The following XKR9 variants were observed in gnomAD, a reference collection of about 807,000 sequenced individuals.
XKR9 encodes XK-related protein 9.
In XKR9, 32 loss-of-function variants were observed where a neutral mutation model predicts 32.0. The ratio of observed to expected loss-of-function variants is 1.00; its 90% CI spans 0.76 to 1.34. The LOEUF is 1.34. Ranked by LOEUF, XKR9 falls within the 40% of genes most tolerant of loss-of-function variation. The pLI is 0.00. For missense variants in XKR9, 546 were observed against 429.7 expected (o/e 1.27, Z -2.39); for synonymous variants, 168 against 143.4 (o/e 1.17, Z -1.22).
the XKR9 span, among the ~76,000 whole-genome samples, chr8:71,052,388 A>G: frequency 1.3e-5 from 2 of 152,124 alleles, no homozygotes; most frequent in Admixed American, 6.5e-5. Flanking sequence ...TTAATGATGC[A>G]ACTTGTCTTT....
chr8:71,020,698 G>A, the XKR9 span, among the ~76,000 whole-genome samples: 1 of 152,200 alleles, frequency 6.6e-6, no homozygotes, highest in Non-Finnish European at 1.5e-5. Flanking sequence ...ATTGGAATGT[G>A]TAATGATCCG....
intron 2 of XKR9, among the ~76,000 whole-genome samples, chr8:70,742,865 A>T (rs1412580763): frequency 6.6e-6 from 1 of 152,032 alleles, no homozygotes; most frequent in Non-Finnish European, 1.5e-5. Flanking sequence ...TTGTATGACT[A>T]CTGTGTTCAT....
At chr8:71,019,387 A>C in the XKR9 span, among the ~76,000 whole-genome samples, 1 of 152,234 alleles carries the variant, frequency 6.6e-6, no homozygotes, top group Non-Finnish European at 1.5e-5. Context: ...TCTATTTGAT[A>C]TTAGGAAGAC....
intron 4 of XKR9, among the ~76,000 whole-genome samples, chr8:70,712,472 G>A (rs560712770): frequency 1.3e-5 from 2 of 152,088 alleles, no homozygotes; most frequent in Non-Finnish European, 1.5e-5. Context: ...ACAAAACTCA[G>A]GGTCCTCACA....
intron 3 of XKR9, among the ~76,000 whole-genome samples, chr8:70,706,027 C>T (rs760759016): frequency 2.6e-5 from 4 of 151,980 alleles, no homozygotes; most frequent in Non-Finnish European, 2.9e-5. Context: ...TTGGTCTGAG[C>T]AATATAGTGA....
chr8:70,926,695 G>A, the XKR9 span, among the ~76,000 whole-genome samples: 1 of 152,160 alleles, frequency 6.6e-6, no homozygotes, highest in Non-Finnish European at 1.5e-5. Flanking sequence ...ACTATCTGAA[G>A]ATATATTTTC....
the XKR9 span, among the ~76,000 whole-genome samples, chr8:71,041,422 G>T: frequency 6.6e-6 from 1 of 152,148 alleles, no homozygotes; most frequent in Non-Finnish European, 1.5e-5. Flanking sequence ...TAAAATATAT[G>T]ATAAATCAGA....
chr8:70,855,955 C>T, the XKR9 span, among the ~76,000 whole-genome samples: 1 of 152,068 alleles, frequency 6.6e-6, no homozygotes, highest in South Asian at 2.1e-4. Flanking sequence ...CCAGGCCTGC[C>T]CTAAAAGAGC....
chr8:70,704,387 A>G (rs1054595373), intron 3 of XKR9, among the ~76,000 whole-genome samples: 1 of 152,172 alleles, frequency 6.6e-6, no homozygotes, highest in African/African-American at 2.4e-5. Flanking sequence ...AAATGTGTAC[A>G]TTTGTAGACA....
the XKR9 span, among the ~76,000 whole-genome samples, chr8:70,880,070 A>C: frequency 6.6e-6 from 1 of 152,212 alleles, no homozygotes; most frequent in Non-Finnish European, 1.5e-5. Context: ...GACAAAATTC[A>C]ACAGCTTTTC....
At chr8:71,038,750 C>T in the XKR9 span, among the ~76,000 whole-genome samples, 121 of 97,290 alleles carry the variant, frequency 1.2e-3, no homozygotes, top group East Asian at 3.1e-3. Context: ...TCTCAATTTT[C>T]AAAAAAAAAA....
At chr8:70,711,502 T>C (rs1044746732) in intron 4 of XKR9, among the ~76,000 whole-genome samples, 1 of 152,164 alleles carries the variant, frequency 6.6e-6, no homozygotes, top group Non-Finnish European at 1.5e-5. Flanking sequence ...GAGGCCATTC[T>C]CCTAAGTGAA....
downstream of XKR9, among the ~76,000 whole-genome samples, chr8:70,793,598 G>C (rs1807792817): frequency 6.6e-6 from 1 of 152,040 alleles, no homozygotes; most frequent in African/African-American, 2.4e-5. Context: ...CCCAGTTTCA[G>C]GTGTTTGATT....
At chr8:70,996,629 G>C in the XKR9 span, among the ~76,000 whole-genome samples, 1 of 152,118 alleles carries the variant, frequency 6.6e-6, no homozygotes, top group Non-Finnish European at 1.5e-5. Flanking sequence ...ACTTAAATTG[G>C]ATATGCCATC....
the XKR9 span, among the ~76,000 whole-genome samples, chr8:71,050,252 TATATATATAGATAG>T: frequency 1.6e-5 from 2 of 126,210 alleles, no homozygotes. Context: ...TATATATATA[TATATATATAGATAG>T]ATAGATAGAT....
the XKR9 span, among the ~76,000 whole-genome samples, chr8:70,823,630 G>T: frequency 6.6e-6 from 1 of 152,146 alleles, no homozygotes; most frequent in Non-Finnish European, 1.5e-5. Flanking sequence ...CAGGAGATTC[G>T]AACTTTTGGT....
chr8:70,974,492 G>A, the XKR9 span, among the ~76,000 whole-genome samples: 1 of 152,142 alleles, frequency 6.6e-6, no homozygotes, highest in African/African-American at 2.4e-5. Flanking sequence ...AACATGCAGT[G>A]TTTGGTTTTC....
intron 3 of XKR9, among the ~76,000 whole-genome samples, chr8:70,684,798 C>G (rs1006993851): frequency 1.4e-5 from 2 of 146,642 alleles, no homozygotes; most frequent in African/African-American, 2.5e-5. Context: ...CAATGAGATA[C>G]CATCTCACAC....
chr8:70,910,086 C>A, the XKR9 span, among the ~76,000 whole-genome samples: 1 of 151,224 alleles, frequency 6.6e-6, no homozygotes, highest in Non-Finnish European at 1.5e-5. Context: ...TTAACCTGAA[C>A]CCTGTGGGGA....
Sources: gnomAD v4.1 joint callset for allele counts (sites outside exome capture counted in the v4.1 genomes callset) on GRCh38, gnomAD v4.1.1 for gene constraint, MANE v1.5 for transcripts, NCBI Gene and HGNC (gene_info 2026-07-23, HGNC 2026-07-21) for gene names.